ZPLD1: variants seen among roughly 807,000 people sequenced by gnomAD.
ZPLD1 encodes zona pellucida-like domain-containing protein 1.
ZPLD1 carries 34 observed loss-of-function variants against 47.2 expected under a neutral mutation model. The ratio of observed to expected loss-of-function variants is 0.72; its 90% confidence interval spans 0.55 to 0.96. The LOEUF is 0.96. Ranked by LOEUF, ZPLD1 falls within the 40% of genes least tolerant of loss-of-function variation. The pLI is 0.00. For synonymous variants in ZPLD1, 176 were observed against 186.2 expected (o/e 0.95, Z 0.45); for missense variants, 512 against 505.8 (o/e 1.01, Z -0.12).
intron 3 of ZPLD1, among the ~76,000 whole-genome samples, chr3:102,441,997 C>A (rs151170907): frequency 6.6e-6 from 1 of 152,166 alleles, no homozygotes. Flanking sequence ...AGGCTACCAT[C>A]TCCCTTGATG....
chr3:102,398,902 ATATG>A (rs1706588079), intron 7 of ZPLD1, among the ~76,000 whole-genome samples: 1 of 151,440 alleles, frequency 6.6e-6, no homozygotes, highest in Non-Finnish European at 1.5e-5. Context: ...ACACACACAC[ATATG>A]CACGCACACA....
At chr3:102,448,721 C>T (rs1355012477) in intron 3 of ZPLD1, among the ~76,000 whole-genome samples, 4 of 152,170 alleles carry the variant, frequency 2.6e-5, no homozygotes, top group African/African-American at 9.7e-5. Flanking sequence ...CAGAAAAGAG[C>T]ACTACATCTG....
rs748848509 is a variant in ZPLD1 at position 102,453,055 on chromosome 3, G to A, written c.243G>A (p.Gly81=). Residue 81 remains glycine, a synonymous_variant, in exon 4 of 12, where the codon GGG becomes GGA. Transcript: ENST00000466937. Reference sequence around the variant, plus strand: ...GGCATGGGGACTCCCACTGCAGAGGGTTCATCAATAACAACACCTTTCCAG... The same window carrying A: ...GGCATGGGGACTCCCACTGCAGAGGATTCATCAATAACAACACCTTTCCAG... ...NGRHGDSHCR[G]FINNNTFPAV... is the part of the protein sequence containing the mutation. 13 of 1,614,096 alleles carry A rather than the reference G, an allele frequency of 8.1e-6. No homozygotes were observed. The highest frequency in any genetic ancestry group is 8.5e-6 in the Non-Finnish European group (10 of 1,179,976).
At chr3:102,476,897 G>C in intron 10 of ZPLD1, 115 bp from the exon 11 acceptor site, 1 of 1,230,930 alleles carries the variant, frequency 8.1e-7, no homozygotes. Flanking sequence ...ATGGGTGGAC[G>C]TAAGAGGAGA....
chr3:102,477,567 G>C lies in ZPLD1; in HGVS notation c.1197G>C (p.Lys399Asn), dbSNP rs1283666766. Residue 399 changes from lysine to asparagine, a missense_variant, in exon 12 of 12, where the codon AAG (lysine) becomes AAC (asparagine). Coordinates refer to ENST00000466937, the MANE Select transcript of ZPLD1 (RefSeq NM_001329788.2). Reference protein sequence around the residue: ...LLCSLALLHRKGPTSLVLNGI... With the variant: ...LLCSLALLHRNGPTSLVLNGI... ...GCTCACTGGCCCTTCTGCACAGGAA[G>C]GGACCCACAAGTTTAGTGTTGAATG... 1 of 1,613,542 alleles carries C rather than the reference G, an allele frequency of 6.2e-7. No homozygotes were observed. Among genetic ancestry groups the C allele is most frequent in the Non-Finnish European group, 8.5e-7 (1 of 1,179,722 alleles).
chr3:102,457,076 G>A (rs977901212), intron 5 of ZPLD1, among the ~76,000 whole-genome samples: 39 of 152,162 alleles, frequency 2.6e-4, no homozygotes, highest in African/African-American at 8.7e-4. Flanking sequence ...ATGATTAAGC[G>A]AACGCTTTCT....
chr3:102,479,425 T>C lies in ZPLD1; in HGVS notation c.*1807T>C, dbSNP rs1161893916. ...TAAGTTCTGTGAATAGGACATTATA[T>C]CATTTAAGCTGTTTTGTCAATTTGA... is the stretch of plus-strand genomic sequence containing the variant. On this transcript the variant is annotated 3_prime_UTR_variant, in exon 12 of 12. Transcript: ENST00000466937. The C allele has an allele frequency of 6.6e-6, 1 of 152,226 alleles. No individual in the cohort carries two copies. The allele number at this position is 152,226 out of a possible 1,614,324, so 9.4% of individuals were successfully genotyped here. A position where few individuals can be genotyped will look rare whatever the true frequency, so the allele number is the denominator to read the frequency against.
At chr3:102,420,250 T>G (rs1357507036) in intron 8 of ZPLD1, among the ~76,000 whole-genome samples, 1 of 151,932 alleles carries the variant, frequency 6.6e-6, no homozygotes, top group African/African-American at 2.4e-5. Context: ...AAATGGCCTT[T>G]GTCAAGGCTT....
intron 1 of ZPLD1, 86 bp downstream of exon 1, chr3:102,435,240 T>G (rs932505906): frequency 1.4e-6 from 2 of 1,459,850 alleles, no homozygotes; most frequent in African/African-American, 2.8e-5. Flanking sequence ...GGCTTGAAAA[T>G]GTCGTAAGCC....
intron 7 of ZPLD1, among the ~76,000 whole-genome samples, chr3:102,404,396 A>T (rs372045104): frequency 6.6e-6 from 1 of 151,990 alleles, no homozygotes; most frequent in African/African-American, 2.4e-5. Flanking sequence ...TTTAAAATGT[A>T]GGCTGCCTGG....
chr3:102,405,275 C>G (rs1453949806), intron 7 of ZPLD1, among the ~76,000 whole-genome samples: 1 of 151,962 alleles, frequency 6.6e-6, no homozygotes, highest in African/African-American at 2.4e-5. Context: ...CTTACCTTTT[C>G]TTTACCCAAC....
chr3:102,467,889 G>A (rs1332331796), intron 8 of ZPLD1, among the ~76,000 whole-genome samples: 3 of 146,558 alleles, frequency 2.0e-5, no homozygotes, highest in African/African-American at 7.6e-5. Context: ...AATGTCCAAA[G>A]CCAAATAACA....
intron 3 of ZPLD1, among the ~76,000 whole-genome samples, chr3:102,439,197 T>C (rs1043861822): frequency 6.6e-6 from 1 of 152,250 alleles, no homozygotes; most frequent in Non-Finnish European, 1.5e-5. Context: ...GCTAAAGTAA[T>C]GGAACCACAG....
rs375399362 is a variant in ZPLD1 at position 102,470,493 on chromosome 3, A to G, written c.1033A>G (p.Thr345Ala). 4.3e-6 allele frequency: 7 copies of G among 1,613,898 alleles called. No individual in the cohort carries two copies. The highest frequency in any genetic ancestry group is 4.2e-6 in the Non-Finnish European group (5 of 1,179,908). Residue 345 changes from threonine (T) to alanine (A), a missense_variant, in exon 10 of 12, where the codon ACT (threonine) becomes GCT (alanine). Thr to Ala is a moderately conservative substitution (Grantham distance 58, BLOSUM62 0). Coordinates refer to ENST00000466937, the MANE Select transcript of ZPLD1 (RefSeq NM_001329788.2). Reference protein sequence around the residue: ...SAVLSAGPIITRSDETPTNNS... With the variant: ...SAVLSAGPIIARSDETPTNNS... ...GGTGCTCTCTGCTGGTCCCATCATT[A>G]CTCGGAGTGGTAAGTGTGCTCCTCC...
upstream of ZPLD1, among the ~76,000 whole-genome samples, chr3:102,431,797 T>C (rs950373420): frequency 5.3e-5 from 8 of 152,296 alleles, no homozygotes; most frequent in African/African-American, 1.9e-4. Context: ...TAATCCCAGC[T>C]ACTCAGGAGG....
intron 7 of ZPLD1, among the ~76,000 whole-genome samples, chr3:102,402,470 T>C (rs1234560562): frequency 6.6e-6 from 1 of 152,058 alleles, no homozygotes; most frequent in East Asian, 1.9e-4. Flanking sequence ...TGCTGTGTAA[T>C]AGTACAGAGT....
chr3:102,431,715 C>T (rs1368727670), upstream of ZPLD1, among the ~76,000 whole-genome samples: 1 of 152,098 alleles, frequency 6.6e-6, no homozygotes. Context: ...TCGCAACCAG[C>T]CTGGCCAACA....
At chr3:102,474,865 T>G (rs77499208) in intron 10 of ZPLD1, among the ~76,000 whole-genome samples, 1,917 of 152,188 alleles carry the variant, frequency 0.013, 42 homozygotes, top group African/African-American at 0.043. Context: ...AGGTGTTTCT[T>G]TTAGCATATA....
intron 8 of ZPLD1, among the ~76,000 whole-genome samples, chr3:102,428,126 G>T (rs550425197): frequency 6.6e-6 from 1 of 152,260 alleles, no homozygotes; most frequent in South Asian, 2.1e-4. Flanking sequence ...AATAAAAATA[G>T]TATGTGTAGT....
Sources: gnomAD v4.1 joint callset for allele counts (sites outside exome capture counted in the v4.1 genomes callset) on GRCh38, gnomAD v4.1.1 for gene constraint, MANE v1.5 for transcripts, NCBI Gene and HGNC (gene_info 2026-07-23, HGNC 2026-07-21) for gene names.